BANF2: variants seen among roughly 807,000 people sequenced by gnomAD.
BANF2 encodes the protein barrier-to-autointegration factor-like protein.
BANF2 carries 4 observed loss-of-function variants against 8.0 expected under a neutral mutation model. The ratio of observed to expected loss-of-function variants is 0.50; its 90% confidence interval spans 0.25 to 1.14. The LOEUF is 1.14. Among genes scored for constraint, BANF2 ranks in the 50% most tolerant of loss-of-function variants. The probability of loss-of-function intolerance (pLI) is 0.16; values close to 1 mark genes in which losing one functional copy is unlikely to be tolerated. For synonymous variants in BANF2, 50 were observed against 40.6 expected (o/e 1.23, Z -0.88); for missense variants, 96 against 107.5 (o/e 0.89, Z 0.47).
intron 3 of BANF2, among the ~76,000 whole-genome samples, chr20:17,730,735 C>T (rs1490901362): frequency 1.3e-5 from 2 of 152,200 alleles, no homozygotes; most frequent in Non-Finnish European, 2.9e-5. Context: ...GTGTCCACAG[C>T]GAAGCCTCTG....
chr20:17,723,469 T>C (rs1354577376), intron 2 of BANF2, among the ~76,000 whole-genome samples: 1 of 152,244 alleles, frequency 6.6e-6, no homozygotes, highest in East Asian at 1.9e-4. Flanking sequence ...GCTGAAGCCT[T>C]GCTCAACCTA....
At chr20:17,727,666 G>A (rs545799264) in intron 3 of BANF2, among the ~76,000 whole-genome samples, 1 of 152,058 alleles carries the variant, frequency 6.6e-6, no homozygotes, top group East Asian at 1.9e-4. Context: ...ATCCTGGGCG[G>A]GCAGATCCTG....
chr20:17,696,563 C>A (rs1480989204), upstream of BANF2, among the ~76,000 whole-genome samples: 3 of 152,154 alleles, frequency 2.0e-5, no homozygotes, highest in African/African-American at 4.8e-5. Flanking sequence ...TAATGTCGAA[C>A]ATTTTTTCCC....
chr20:17,711,466 C>T (rs937053817), intron 1 of BANF2, among the ~76,000 whole-genome samples: 4 of 152,184 alleles, frequency 2.6e-5, no homozygotes, highest in Admixed American at 2.0e-4. Context: ...GGTGGGGTTC[C>T]CTGGAAGCAG....
upstream of BANF2, among the ~76,000 whole-genome samples, chr20:17,697,385 C>G (rs551249225): frequency 6.6e-6 from 1 of 152,294 alleles, no homozygotes; most frequent in African/African-American, 2.4e-5. Context: ...CTGAGCATAT[C>G]AGCTCATGTG....
At chr20:17,707,041 A>T (rs932199383) in intron 1 of BANF2, among the ~76,000 whole-genome samples, 1 of 152,102 alleles carries the variant, frequency 6.6e-6, no homozygotes, top group Non-Finnish European at 1.5e-5. Context: ...GCACTTTCAG[A>T]TGGGTTTGCA....
intron 1 of BANF2, among the ~76,000 whole-genome samples, chr20:17,703,461 T>C (rs1282941596): frequency 6.6e-6 from 1 of 152,240 alleles, no homozygotes; most frequent in Non-Finnish European, 1.5e-5. Flanking sequence ...AAGGCGGTCA[T>C]GGCCCCAGTA....
intron 2 of BANF2, among the ~76,000 whole-genome samples, chr20:17,723,608 CAGGAAGGGGATGCTACAATGAACA>C (rs1459294864): frequency 6.6e-6 from 1 of 152,124 alleles, no homozygotes; most frequent in African/African-American, 2.4e-5. Flanking sequence ...AATTTTGTAC[CAGGAAGGGGATGCTACAATGAACA>C]AACCTTAAAT....
intron 1 of BANF2, among the ~76,000 whole-genome samples, chr20:17,708,718 A>G (rs920379229): frequency 9.9e-5 from 15 of 152,192 alleles, no homozygotes; most frequent in African/African-American, 3.6e-4. Context: ...AACTTTTAAT[A>G]GATGCTCAAA....
At chr20:17,727,673 C>G (rs2037828604) in intron 3 of BANF2, among the ~76,000 whole-genome samples, 2 of 151,808 alleles carry the variant, frequency 1.3e-5, no homozygotes, top group South Asian at 4.2e-4. Flanking sequence ...GCGGGCAGAT[C>G]CTGGCAGGAC....
intron 3 of BANF2, among the ~76,000 whole-genome samples, chr20:17,726,330 T>C (rs2037809236): frequency 6.6e-6 from 1 of 152,002 alleles, no homozygotes; most frequent in African/African-American, 2.4e-5. Context: ...GGACTACAGG[T>C]GTGTGCCACC....
chr20:17,712,835 C>T (rs529665728), intron 1 of BANF2, among the ~76,000 whole-genome samples: 5 of 152,180 alleles, frequency 3.3e-5, no homozygotes, highest in South Asian at 2.1e-4. Flanking sequence ...AGTGCCCCTA[C>T]GTTTATAGCA....
chr20:17,703,651 G>A (rs1600212404), intron 1 of BANF2, among the ~76,000 whole-genome samples: 1 of 152,232 alleles, frequency 6.6e-6, no homozygotes. Flanking sequence ...CACTCACACA[G>A]CTGGGACTTT....
At chr20:17,721,706 C>G (rs1337832074) in intron 1 of BANF2, among the ~76,000 whole-genome samples, 2 of 152,224 alleles carry the variant, frequency 1.3e-5, no homozygotes, top group African/African-American at 4.8e-5. Context: ...TGGAAGTTTG[C>G]ACATTGGAAT....
chr20:17,735,115 AAAGAAAAGAG>A (rs2037957412), intron 3 of BANF2, among the ~76,000 whole-genome samples: 2 of 151,902 alleles, frequency 1.3e-5, no homozygotes, highest in African/African-American at 4.9e-5. Context: ...AAAAGAAAGA[AAAGAAAAGAG>A]AAGAAAAGAA....
upstream of BANF2, among the ~76,000 whole-genome samples, chr20:17,697,949 A>T (rs2122558265): frequency 6.6e-6 from 1 of 152,114 alleles, no homozygotes; most frequent in Non-Finnish European, 1.5e-5. Flanking sequence ...TCATGCCTAT[A>T]ATCCCAGCAC....
At chr20:17,696,713 C>T (rs1211930575), upstream of BANF2, among the ~76,000 whole-genome samples, 1 of 152,126 alleles carries the variant, frequency 6.6e-6, no homozygotes, top group Non-Finnish European at 1.5e-5. Context: ...AGGCTTCATT[C>T]TTCCTCTAGC....
intron 1 of BANF2, among the ~76,000 whole-genome samples, chr20:17,706,666 C>A (rs886566580): frequency 3.9e-5 from 6 of 152,152 alleles, no homozygotes; most frequent in African/African-American, 9.7e-5. Flanking sequence ...ACAGATCCAC[C>A]AAGTAAAGGG....
chr20:17,694,236 C>T (rs2037323480), intron 1 of BANF2, among the ~76,000 whole-genome samples: 1 of 152,188 alleles, frequency 6.6e-6, no homozygotes, highest in Non-Finnish European at 1.5e-5. Flanking sequence ...AAGACAATTT[C>T]AAGTACTCAT....
Sources: gnomAD v4.1 joint callset for allele counts (sites outside exome capture counted in the v4.1 genomes callset) on GRCh38, gnomAD v4.1.1 for gene constraint, MANE v1.5 for transcripts, NCBI Gene and HGNC (gene_info 2026-07-23, HGNC 2026-07-21) for gene names.